Variants in FRS2 observed in about 807,000 individuals in gnomAD.
The protein encoded by FRS2 is FGFR signalling adaptor.
FRS2 carries 8 observed loss-of-function variants against 43.9 expected under a neutral mutation model. The ratio of observed to expected loss-of-function variants is 0.18; its 90% CI spans 0.11 to 0.33. The LOEUF (loss-of-function observed/expected upper bound fraction) is 0.33, where lower values mean the gene tolerates loss of function less well. Ranked by LOEUF, FRS2 falls within the 10% of genes least tolerant of loss-of-function variation. The probability of loss-of-function intolerance (pLI) is 1.00; values close to 1 mark genes in which losing one functional copy is unlikely to be tolerated. For missense variants in FRS2, 534 were observed against 627.6 expected, an observed-to-expected ratio of 0.85 and a Z score of 1.59; for synonymous variants, 219 against 220.3, an observed-to-expected ratio of 0.99 and a Z score of 0.05.
rs959770252 is a variant in FRS2 at position 69,551,338 on chromosome 12, G to T, written c.-121-10842G>T. Among the ~76,000 whole-genome samples, 13 of 151,640 alleles carry T rather than the reference G, an allele frequency of 8.6e-5. 1 individual carries two copies. In the East Asian group the frequency reaches 2.5e-3, roughly 29 times the overall value. On this transcript the variant is annotated intron_variant, in intron 3 of 8. Transcript: ENST00000549921. ...ACTACACTGCAGCCTGGGCAATGGAGCGAGACCCTGTCTCAAAACAAACAA... is the reference window on the plus strand; with the variant it reads ...ACTACACTGCAGCCTGGGCAATGGATCGAGACCCTGTCTCAAAACAAACAA...
Position 69,491,343 on chromosome 12 carries a change from A to T in FRS2, c.-261+20813A>T, listed in dbSNP as rs145883237. On this transcript the variant is annotated intron_variant, in intron 1 of 8. Coordinates refer to ENST00000549921, the MANE Select transcript of FRS2 (RefSeq NM_001278356.2). ...ACACCTGAGCTCCAGCGACCTGCCC[A>T]CCTCGGCCTTTCAAAGTGCTGCGAT... 1.1e-3 allele frequency among the ~76,000 whole-genome samples: 162 copies of T among 151,976 alleles called. 1 individual carries two copies. In the East Asian group the frequency reaches 0.027, roughly 25 times the overall value.
chr12:69,490,031 G>T (rs1446833675), intron 1 of FRS2, among the ~76,000 whole-genome samples: 1 of 151,820 alleles, frequency 6.6e-6, no homozygotes, highest in African/African-American at 2.4e-5. Context: ...TACTGATGTA[G>T]CAGTATGTTC....
At chr12:69,569,950 A>G (rs1334980261) in intron 5 of FRS2, among the ~76,000 whole-genome samples, 2 of 152,122 alleles carry the variant, frequency 1.3e-5, no homozygotes, top group African/African-American at 4.8e-5. Flanking sequence ...CTCCTGACCC[A>G]CTAGATTTCC....
intron 1 of FRS2, among the ~76,000 whole-genome samples, chr12:69,490,400 T>C (rs965234549): frequency 3.3e-5 from 5 of 151,682 alleles, no homozygotes; most frequent in African/African-American, 9.7e-5. Context: ...AAAGAAAAAT[T>C]CCATTAGAAA....
chr12:69,514,639 C>G (rs887490090), intron 1 of FRS2, among the ~76,000 whole-genome samples: 1 of 152,106 alleles, frequency 6.6e-6, no homozygotes, highest in Non-Finnish European at 1.5e-5. Context: ...TCTAGACCAG[C>G]CTGGCCAACA....
At chr12:69,573,754 C>T (rs998049146) in intron 8 of FRS2, among the ~76,000 whole-genome samples, 7 of 152,238 alleles carry the variant, frequency 4.6e-5, no homozygotes, top group African/African-American at 1.2e-4. Context: ...TGGGCCACTG[C>T]GCCCAGCCTG....
At chr12:69,521,804 C>T (rs1020986303) in intron 1 of FRS2, among the ~76,000 whole-genome samples, 3 of 151,968 alleles carry the variant, frequency 2.0e-5, no homozygotes, top group Admixed American at 6.6e-5. Context: ...TTAGTAGAGA[C>T]GGGATTTCAC....
chr12:69,518,037 G>C (rs1875232831), intron 1 of FRS2, among the ~76,000 whole-genome samples: 1 of 152,044 alleles, frequency 6.6e-6, no homozygotes, highest in Non-Finnish European at 1.5e-5. Flanking sequence ...GCACAAGTTA[G>C]GGAGGACCAC....
At chr12:69,555,026 T>C (rs1879216805) in intron 3 of FRS2, among the ~76,000 whole-genome samples, 1 of 151,454 alleles carries the variant, frequency 6.6e-6, no homozygotes, top group African/African-American at 2.4e-5. Context: ...TTTTTTTTAA[T>C]AATATTTTTT....
intron 5 of FRS2, 33 bp from the exon 6 acceptor site, chr12:69,570,298 C>T (rs1453357615): frequency 1.3e-6 from 2 of 1,502,502 alleles, no homozygotes; most frequent in South Asian, 2.3e-5. Context: ...GAATTGGTGA[C>T]ATATTTGCAT....
chr12:69,518,939 G>A (rs990177581), intron 1 of FRS2, among the ~76,000 whole-genome samples: 1 of 151,416 alleles, frequency 6.6e-6, no homozygotes, highest in African/African-American at 2.4e-5. Context: ...GCTTGAACCC[G>A]GGAAGCGGGT....
At chr12:69,509,756 C>T (rs879732392) in intron 1 of FRS2, among the ~76,000 whole-genome samples, 8 of 152,124 alleles carry the variant, frequency 5.3e-5, no homozygotes, top group Non-Finnish European at 8.8e-5. Flanking sequence ...TGATGACTCT[C>T]ATTTGCTGTT....
At chr12:69,484,091 C>T (rs370024881) in intron 1 of FRS2, among the ~76,000 whole-genome samples, 6 of 142,782 alleles carry the variant, frequency 4.2e-5, no homozygotes, top group Non-Finnish European at 9.7e-5. Context: ...AAAAGCTTTT[C>T]TTTCTTTTTT....
chr12:69,559,133 C>G (rs1445881729), intron 3 of FRS2, among the ~76,000 whole-genome samples: 1 of 152,040 alleles, frequency 6.6e-6, no homozygotes, highest in Non-Finnish European at 1.5e-5. Flanking sequence ...CAACATAGAC[C>G]CATCTTAAAA....
chr12:69,508,769 ATTCTGCTTTTTGTTGGGT>A, intron 1 of FRS2, among the ~76,000 whole-genome samples: 1 of 152,102 alleles, frequency 6.6e-6, no homozygotes, highest in African/African-American at 2.4e-5. Flanking sequence ...TAAGTCAGTT[ATTCTGCTTTTTGTTGGGT>A]TTTCATTTTA....
chr12:69,569,416 A>T (rs1880566227), intron 5 of FRS2, among the ~76,000 whole-genome samples: 1 of 152,006 alleles, frequency 6.6e-6, no homozygotes, highest in African/African-American at 2.4e-5. Flanking sequence ...TGCCTGTGTG[A>T]TTTCTTAACT....
At chr12:69,485,370 G>A (rs1871825192) in intron 1 of FRS2, among the ~76,000 whole-genome samples, 1 of 151,960 alleles carries the variant, frequency 6.6e-6, no homozygotes, top group Admixed American at 6.6e-5. Context: ...TTTTGGTAGA[G>A]ACGGGGTTTC....
chr12:69,477,748 ATTTATT>A (rs1288091620), intron 1 of FRS2, among the ~76,000 whole-genome samples: 1 of 127,844 alleles, frequency 7.8e-6, no homozygotes, highest in East Asian at 2.1e-4. Flanking sequence ...TTATTTATTT[ATTTATT>A]TTTTGAGACA....
intron 3 of FRS2, among the ~76,000 whole-genome samples, chr12:69,556,557 C>G (rs1879375006): frequency 6.6e-6 from 1 of 151,974 alleles, no homozygotes; most frequent in African/African-American, 2.4e-5. Context: ...AACTTCTGAC[C>G]TCAAGTGATC....
Sources: allele counts gnomAD v4.1 joint callset (sites outside exome capture counted in the v4.1 genomes callset), GRCh38; gene constraint gnomAD v4.1.1; transcripts MANE v1.5; gene names NCBI Gene and HGNC (gene_info 2026-07-23, HGNC 2026-07-21).